HMG20B: variants seen among roughly 807,000 people sequenced by gnomAD.
The protein encoded by HMG20B is high mobility group 20B, also known as SWI/SNF-related matrix-associated actin-dependent regulator of chromatin subfamily E member 1-related.
Under a neutral mutation model 41.6 loss-of-function variants are expected in HMG20B, and 24 were observed. The observed-to-expected ratio is 0.58, with a 90% CI of 0.42 to 0.81. HMG20B has a LOEUF of 0.81. HMG20B is among the 30% of genes least tolerant of loss of function. The probability of loss-of-function intolerance (pLI) is 0.00; values close to 1 mark genes in which losing one functional copy is unlikely to be tolerated. For synonymous variants in HMG20B, 251 were observed against 186.6 expected, an observed-to-expected ratio of 1.34 and a Z score of -2.81; for missense variants, 461 against 444.0, an observed-to-expected ratio of 1.04 and a Z score of -0.34.
chr19:3,573,720 C>T lies in HMG20B; in HGVS notation c.67C>T (p.His23Tyr), dbSNP rs749761038. The change falls in exon 3 of 10, where the codon CAT becomes TAT. Residue 23 changes from histidine (H) to tyrosine (Y), a missense_variant. His to Tyr is a moderately conservative substitution (Grantham distance 83). Transcript: ENST00000333651. Reference protein sequence around the residue: ...APAGGKAPGQHGGFVVTVKQE... With the variant: ...APAGGKAPGQYGGFVVTVKQE... Reference sequence around the variant, plus strand: ...GGCGGGCGGCAAGGCTCCGGGCCAGCATGGGGGCTTCGTGGTGACTGTCAA... The same window carrying T: ...GGCGGGCGGCAAGGCTCCGGGCCAGTATGGGGGCTTCGTGGTGACTGTCAA... The T allele has an allele frequency of 6.5e-7, 1 of 1,526,868 alleles. No individual in the cohort carries two copies. The highest frequency in any genetic ancestry group is 8.8e-7 in the Non-Finnish European group (1 of 1,141,672). The allele number at this position is 1,526,868 out of a possible 1,614,324, so 94.6% of individuals were successfully genotyped here. A position where few individuals can be genotyped will look rare whatever the true frequency, so the allele number is the denominator to read the frequency against.
chr19:3,576,861 G>T lies in HMG20B; in HGVS notation c.593-31G>T, dbSNP rs1203990653. ...CCCGGAGGTAGGGGAAAGGGGAGGCGCAGGCTTTGACCCCGCTCCCCCCGG... is the reference window on the plus strand; with the variant it reads ...CCCGGAGGTAGGGGAAAGGGGAGGCTCAGGCTTTGACCCCGCTCCCCCCGG... On this transcript the variant is annotated intron_variant, in intron 7 of 9. Coordinates refer to ENST00000333651, the MANE Select transcript of HMG20B (RefSeq NM_006339.3). The T allele has an allele frequency of 3.2e-6, 5 of 1,549,664 alleles. No individual in the cohort carries two copies. The East Asian group carries it at 9.7e-5, about 30-fold the overall frequency.
rs1167228327 is a variant in HMG20B, at chr19:3,576,985, G to A, written c.686G>A (p.Ser229Asn). ...VLQRHTQSMS[S>N]ARERLEQELA... ...CAGAGGCACACGCAGAGCATGAGCA[G>A]CGCGCGCGAGCGTCTGGAGCAGGAG... The change falls in exon 8 of 10, where the codon AGC (serine) becomes AAC (asparagine). Residue 229 changes from serine to asparagine, a missense_variant. By Grantham distance (46) the Ser-to-Asn change is conservative. Coordinates refer to ENST00000333651, the MANE Select transcript of HMG20B (RefSeq NM_006339.3). 6.4e-7 allele frequency: 1 copy of A among 1,566,772 alleles called. No homozygotes were observed. The highest frequency in any genetic ancestry group is 1.4e-5 in the African/African-American group (1 of 73,860).
intron 9 of HMG20B, 66 bp from the exon 10 acceptor site, chr19:3,578,443 C>T (rs2145260100): frequency 6.8e-7 from 1 of 1,460,938 alleles, no homozygotes; most frequent in Non-Finnish European, 9.0e-7. Context: ...TCTGGGGTTC[C>T]CCAGGGCCGG....
intron 2 of HMG20B, 33 bp from the exon 3 acceptor site, chr19:3,573,659 G>A: frequency 2.0e-6 from 3 of 1,465,378 alleles, no homozygotes. Context: ...GAGATTCTTG[G>A]GACGGGGCTG....
intron 2 of HMG20B, 94 bp downstream of exon 2, chr19:3,573,441 T>C (rs1356462502): frequency 4.6e-6 from 6 of 1,305,652 alleles, no homozygotes; most frequent in Non-Finnish European, 5.1e-6. Flanking sequence ...CGCCGGAGTC[T>C]TGACTCCCCC....
At chr19:3,573,023 T>C in intron 1 of HMG20B, 29 bp downstream of exon 1, 1 of 387,476 alleles carries the variant, frequency 2.6e-6, no homozygotes, top group East Asian at 3.9e-5. Flanking sequence ...CTCCGGGCCC[T>C]GAGAGGGGGC....
intron 3 of HMG20B, chr19:3,574,079 C>T: frequency 4.7e-6 from 3 of 639,098 alleles, no homozygotes; most frequent in Non-Finnish European, 8.4e-6. Flanking sequence ...CCTGTGGGCC[C>T]GTTCTCCAGC....
chr19:3,576,750 A>T, intron 7 of HMG20B, 125 bp downstream of exon 7: 1 of 1,255,314 alleles, frequency 8.0e-7, no homozygotes, highest in Non-Finnish European at 1.1e-6. Flanking sequence ...GTCCAGGCGC[A>T]CGCTGTCGCT....
At chr19:3,577,373 C>A (rs1262166730) in intron 8 of HMG20B, among the ~76,000 whole-genome samples, 1 of 149,436 alleles carries the variant, frequency 6.7e-6, no homozygotes, top group Admixed American at 6.6e-5. Context: ...GTTACTCGGC[C>A]GGCTCCCTGA....
At chr19:3,577,162 T>TCCC in intron 8 of HMG20B, 55 bp downstream of exon 8, 1 of 964,614 alleles carries the variant, frequency 1.0e-6, no homozygotes, top group Non-Finnish European at 1.3e-6. Context: ...CCCGCCCGCC[T>TCCC]CCCCCCCCCT....
chr19:3,576,184 G>A (rs949875127), intron 5 of HMG20B, 77 bp from the exon 6 acceptor site: 70 of 1,336,736 alleles, frequency 5.2e-5, no homozygotes, highest in Non-Finnish European at 7.5e-5. Context: ...AGCCGGCTGA[G>A]CAGCGCTGAC....
chr19:3,576,633 G>A lies in HMG20B; in HGVS notation c.592+8G>A, dbSNP rs1599856165. 6.2e-7 allele frequency: 1 copy of A among 1,608,662 alleles called. No individual in the cohort carries two copies. The highest frequency in any genetic ancestry group is 8.5e-7 in the Non-Finnish European group (1 of 1,175,958). On this transcript the variant is annotated splice_region_variant and intron_variant, in intron 7 of 9. Coordinates refer to ENST00000333651, the MANE Select transcript of HMG20B (RefSeq NM_006339.3). Reference sequence around the variant, plus strand: ...TCTTGGACCAAAACAAAGGTGAGCGGTAACTGCGCTCCTGATGCGAACTCC... The same window carrying A: ...TCTTGGACCAAAACAAAGGTGAGCGATAACTGCGCTCCTGATGCGAACTCC...
chr19:3,574,007 G>T (rs763371479), intron 3 of HMG20B: 1 of 696,140 alleles, frequency 1.4e-6, no homozygotes. Flanking sequence ...CACAATGCCA[G>T]CTCTGCCCAC....
At position 3,573,663 on chromosome 19, in the gene HMG20B, G is replaced by A. The variant is rs2032090152; in HGVS notation, c.39-29G>A. 4.1e-6 allele frequency: 6 copies of A among 1,469,134 alleles called. No individual in the cohort carries two copies. The South Asian group carries it at 7.3e-5, about 18-fold the overall frequency. 91.0% of individuals were successfully genotyped at this position (1,469,134 alleles called of 1,614,324 possible). On this transcript the variant is annotated intron_variant, in intron 2 of 9. Coordinates refer to ENST00000333651, the MANE Select transcript of HMG20B (RefSeq NM_006339.3). ...TTGGGGGAGGGGAGATTCTTGGGAC[G>A]GGGCTGACCGCGGTATCCTTGGCTC...
chr19:3,574,412 C>G lies in HMG20B; in HGVS notation c.177C>G (p.Gly59=). Residue 59 remains glycine, a synonymous_variant, in exon 4 of 10, where the codon GGC becomes GGG. Coordinates refer to ENST00000333651, the MANE Select transcript of HMG20B (RefSeq NM_006339.3). The part of the protein sequence containing the change: ...EPVKKRGWPK[G]KKRKKILPNG... ...TGAAGAAACGCGGCTGGCCCAAGGGCAAGAAGCGGAAGAAGATTCTGCCGA... is the reference window on the plus strand; with the variant it reads ...TGAAGAAACGCGGCTGGCCCAAGGGGAAGAAGCGGAAGAAGATTCTGCCGA... 1 of 1,603,688 alleles carries G rather than the reference C, an allele frequency of 6.2e-7. No individual in the cohort carries two copies. The highest frequency in any genetic ancestry group is 8.5e-7 in the Non-Finnish European group (1 of 1,175,832).
chr19:3,575,769 C>A, intron 5 of HMG20B, 109 bp downstream of exon 5: 1 of 894,790 alleles, frequency 1.1e-6, no homozygotes, highest in Non-Finnish European at 1.7e-6. Flanking sequence ...TAGTGAAACC[C>A]TCCCCCTCTA....
At chr19:3,575,193 A>G (rs1428491416) in intron 4 of HMG20B, among the ~76,000 whole-genome samples, 1 of 152,232 alleles carries the variant, frequency 6.6e-6, no homozygotes, top group East Asian at 1.9e-4. Flanking sequence ...AACAAAAGCC[A>G]TCACTGCTTT....
chr19:3,577,186 C>T, intron 8 of HMG20B, 79 bp downstream of exon 8: 1 of 1,081,520 alleles, frequency 9.2e-7, no homozygotes, highest in South Asian at 1.7e-5. Flanking sequence ...CCCTTCCCCC[C>T]TTCCCCTGTC....
chr19:3,577,990 A>G lies in HMG20B; in HGVS notation c.818A>G (p.Glu273Gly). Residue 273 changes from glutamate to glycine, a missense_variant, in exon 9 of 10, where the codon GAA (glutamate) becomes GGA (glycine). Glu to Gly is a moderately conservative substitution (Grantham distance 98). This residue lies in a region of HMG20B where 308 missense variants were observed against 283.4 expected (regional missense o/e 1.09). Transcript: ENST00000333651. ...FASLPVPGTG[E>G]TPTLGTLDFY... ...CCCGCCTGTCCCCCAGGCACGGGCG[A>G]AACGCCCACGCTGGGCACTCTGGAC... 3 of 1,600,370 alleles carry G rather than the reference A, an allele frequency of 1.9e-6. No individual in the cohort carries two copies. The highest frequency in any genetic ancestry group is 1.7e-6 in the Non-Finnish European group (2 of 1,175,688).
Sources: allele counts gnomAD v4.1 joint callset (sites outside exome capture counted in the v4.1 genomes callset), GRCh38; gene constraint gnomAD v4.1.1; regional missense constraint gnomAD v4.1.1; transcripts MANE v1.5; gene names NCBI Gene and HGNC (gene_info 2026-07-23, HGNC 2026-07-21).